Variants in ATP6AP2 observed in about 807,000 individuals in gnomAD.
ATP6AP2 encodes renin receptor.
Under a neutral mutation model 23.4 loss-of-function variants are expected in ATP6AP2, and 1 was observed. The ratio of observed to expected loss-of-function variants is 0.04; its 90% confidence interval spans 0.02 to 0.20. ATP6AP2 has a LOEUF of 0.20. ATP6AP2 is among the 10% of genes least tolerant of loss of function. ATP6AP2 has a pLI of 1.00. For missense variants in ATP6AP2, 174 were observed against 271.3 expected (o/e 0.64, Z 2.52); for synonymous variants, 90 against 97.1 (o/e 0.93, Z 0.43).
chrX:40,582,473 T>C (rs1483420932), intron 1 of ATP6AP2, among the ~76,000 whole-genome samples: 1 of 111,193 alleles, frequency 9.0e-6, no homozygotes, highest in African/African-American at 3.3e-5. Flanking sequence ...CTATGTGAGG[T>C]GTTGGGAGGT....
At position 40,599,681 on chromosome X, in the gene ATP6AP2, T is replaced by C. The variant is rs1386735381; in HGVS notation, c.678T>C (p.Tyr226=). 6 of 1,211,708 alleles carry C rather than the reference T, an allele frequency of 5.0e-6. No individual in the cohort carries two copies. The Admixed American group carries it at 1.1e-4, about 22-fold the overall frequency. ...LAGLDEIGKR[Y]GEDSEQFRDA... is the part of the protein sequence containing the mutation. ...GTTTGGATGAAATTGGGAAGCGTTA[T>C]GGGGAAGACTCTGAACAATTCAGAG... Residue 226 remains tyrosine, a synonymous_variant, in exon 7 of 9, where the codon TAT becomes TAC. Coordinates refer to ENST00000636580, the MANE Select transcript of ATP6AP2 (RefSeq NM_005765.3).
Position 40,598,664 on chromosome X carries a change from T to C in ATP6AP2, c.535-17T>C. On this transcript the variant is annotated splice_polypyrimidine_tract_variant and intron_variant, in intron 5 of 8. Transcript: ENST00000636580. ...GCACATTTAAAAGAATGCTCTTTTTTTTTGGGCTCTCTGAAGGTTGACCTG... is the reference window on the plus strand; with the variant it reads ...GCACATTTAAAAGAATGCTCTTTTTCTTTGGGCTCTCTGAAGGTTGACCTG... The C allele has an allele frequency of 8.3e-7, 1 of 1,207,877 alleles. No individual in the cohort carries two copies. Among genetic ancestry groups the C allele is most frequent in the Non-Finnish European group, 1.1e-6 (1 of 892,244 alleles).
intron 8 of ATP6AP2, chrX:40,603,551 C>T (rs758303558): frequency 9.1e-6 from 1 of 109,996 alleles, no homozygotes; most frequent in Non-Finnish European, 1.9e-5. Flanking sequence ...CACAACATTC[C>T]AGGTGCTGGG....
chrX:40,600,636 C>T (rs1204045555), intron 7 of ATP6AP2, 126 bp from the exon 8 acceptor site: 4 of 765,088 alleles, frequency 5.2e-6, no homozygotes, highest in Non-Finnish European at 7.3e-6. Flanking sequence ...TTAAGCCATT[C>T]CACAATGTGT....
chrX:40,591,001 A>T (rs1926612765), intron 2 of ATP6AP2: 1 of 348,550 alleles, frequency 2.9e-6, no homozygotes, highest in African/African-American at 2.6e-5. Context: ...CAGATGACTT[A>T]CTATTGGACT....
chrX:40,593,629 C>T (rs762671938), intron 3 of ATP6AP2, among the ~76,000 whole-genome samples: 1 of 110,098 alleles, frequency 9.1e-6, no homozygotes, highest in Non-Finnish European at 1.9e-5. Flanking sequence ...GTCTCAGCCT[C>T]CTGAGTAGCT....
Position 40,606,572 on chromosome X carries a change from A to G in ATP6AP2, c.*817A>G, listed in dbSNP as rs768775218. On this transcript the variant is annotated 3_prime_UTR_variant, in exon 9 of 9. Coordinates refer to ENST00000636580, the MANE Select transcript of ATP6AP2 (RefSeq NM_005765.3). ...TATTAAGTGGAAGTGGGTGAATTCT[A>G]CTTTTTATGTTGGAGTGGACCAATG... 2 of 112,600 alleles carry G rather than the reference A, an allele frequency of 1.8e-5. No homozygotes were observed. Among genetic ancestry groups the G allele is most frequent in the Admixed American group, 9.5e-5 (1 of 10,548 alleles). The allele number at this position is 112,600 out of a possible 1,213,427, so 9.3% of individuals were successfully genotyped here. A position where few individuals can be genotyped will look rare whatever the true frequency, so the allele number is the denominator to read the frequency against.
At chrX:40,600,435 T>C (rs1272177253) in intron 7 of ATP6AP2, 4 of 140,276 alleles carry the variant, frequency 2.9e-5, no homozygotes, top group African/African-American at 1.3e-4. Flanking sequence ...TTCTGTATAG[T>C]TGAGCAAAAT....
At chrX:40,594,263 C>T (rs1204729136) in intron 3 of ATP6AP2, among the ~76,000 whole-genome samples, 1 of 111,899 alleles carries the variant, frequency 8.9e-6, no homozygotes, top group East Asian at 2.8e-4. Flanking sequence ...AAGATAACAA[C>T]TCCTCAGATT....
At chrX:40,601,008 A>G in intron 8 of ATP6AP2, 127 bp downstream of exon 8, 1 of 706,362 alleles carries the variant, frequency 1.4e-6, no homozygotes, top group Admixed American at 3.5e-5. Context: ...AAACAATTTC[A>G]GTTAAAACGT....
chrX:40,581,160 G>C (rs1926311240), intron 1 of ATP6AP2, 58 bp downstream of exon 1: 4 of 1,050,137 alleles, frequency 3.8e-6, no homozygotes, highest in Non-Finnish European at 3.7e-6. Flanking sequence ...GCGGGGCTTG[G>C]GGGTCGGGGG....
chrX:40,584,994 C>T (rs1349194057), intron 1 of ATP6AP2, among the ~76,000 whole-genome samples: 2 of 112,197 alleles, frequency 1.8e-5, no homozygotes, highest in African/African-American at 6.5e-5. Flanking sequence ...ATCCGCCTGT[C>T]TTGGCCTCCC....
intron 7 of ATP6AP2, chrX:40,600,475 A>G (rs1374592222): frequency 1.1e-5 from 2 of 186,340 alleles, no homozygotes; most frequent in Non-Finnish European, 2.0e-5. Flanking sequence ...TTATTGTAAG[A>G]TGTAGTATAT....
At chrX:40,599,858 G>T in intron 7 of ATP6AP2, 117 bp downstream of exon 7, 3 of 928,501 alleles carry the variant, frequency 3.2e-6, no homozygotes, top group East Asian at 3.2e-5. Flanking sequence ...CTTCTTTGGG[G>T]CTCCTCTAAT....
intron 1 of ATP6AP2, among the ~76,000 whole-genome samples, chrX:40,588,598 C>G (rs1051471488): frequency 9.0e-6 from 1 of 110,877 alleles, no homozygotes; most frequent in South Asian, 3.8e-4. Flanking sequence ...TTTCTAATTC[C>G]TGCCAAATTG....
chrX:40,602,932 TTTTTTTTTTGG>T (rs1555978336), intron 8 of ATP6AP2, among the ~76,000 whole-genome samples: 1 of 62,582 alleles, frequency 1.6e-5, no homozygotes. Context: ...TTTTTTTTTT[TTTTTTTTTTGG>T]ATTTTTTGGA....
chrX:40,591,506 T>C, intron 3 of ATP6AP2, 141 bp downstream of exon 3: 2 of 771,236 alleles, frequency 2.6e-6, no homozygotes, highest in Non-Finnish European at 3.7e-6. Flanking sequence ...ACAAACACAA[T>C]TTCTTTTTAA....
chrX:40,586,619 A>C (rs368877221), intron 1 of ATP6AP2, among the ~76,000 whole-genome samples: 2 of 112,358 alleles, frequency 1.8e-5, no homozygotes, highest in Non-Finnish European at 3.8e-5. Flanking sequence ...TCAAAGGACT[A>C]GAATGTTAGG....
chrX:40,582,857 G>T (rs1198157755), intron 1 of ATP6AP2, among the ~76,000 whole-genome samples: 1 of 111,895 alleles, frequency 8.9e-6, no homozygotes, highest in Non-Finnish European at 1.9e-5. Flanking sequence ...TTCTGCACAT[G>T]GTTTGAACAT....
Sources: allele counts gnomAD v4.1 joint callset (sites outside exome capture counted in the v4.1 genomes callset), GRCh38; gene constraint gnomAD v4.1.1; transcripts MANE v1.5; gene names NCBI Gene and HGNC (gene_info 2026-07-23, HGNC 2026-07-21).